LPGAT1: variants seen among roughly 807,000 people sequenced by gnomAD.
The protein encoded by LPGAT1 is lysophosphatidylglycerol acyltransferase 1.
LPGAT1 carries 11 observed loss-of-function variants against 47.5 expected under a neutral mutation model. That is an observed-to-expected ratio of 0.23 (90% confidence interval 0.15 to 0.38). The LOEUF is 0.38. LPGAT1 is among the 10% of genes least tolerant of loss of function. The pLI is 1.00. For synonymous variants in LPGAT1, 138 were observed against 144.2 expected, an observed-to-expected ratio of 0.96 and a Z score of 0.31; for missense variants, 293 against 439.0, an observed-to-expected ratio of 0.67 and a Z score of 2.97.
At chr1:211,778,153 G>A (rs1413129387) in intron 6 of LPGAT1, among the ~76,000 whole-genome samples, 3 of 151,960 alleles carry the variant, frequency 2.0e-5, no homozygotes, top group Non-Finnish European at 4.4e-5. Flanking sequence ...CCATCCTGGC[G>A]AACACAGTGA....
chr1:211,793,249 C>A (rs577029220), intron 2 of LPGAT1, 59 bp from the exon 3 acceptor site: 15 of 1,084,688 alleles, frequency 1.4e-5, no homozygotes, highest in Admixed American at 1.2e-4. Flanking sequence ...TTATCACAAA[C>A]CTTATATTAG....
intron 6 of LPGAT1, among the ~76,000 whole-genome samples, chr1:211,772,212 T>C (rs1658201385): frequency 1.3e-5 from 2 of 152,266 alleles, no homozygotes; most frequent in East Asian, 1.9e-4. Flanking sequence ...TCTCCATTGA[T>C]ACGAAAGGGC....
intron 6 of LPGAT1, among the ~76,000 whole-genome samples, chr1:211,754,673 G>C (rs568761791): frequency 6.3e-4 from 96 of 152,274 alleles, no homozygotes; most frequent in Non-Finnish European, 1.2e-3. Flanking sequence ...CAAAATGAGT[G>C]TTAGTTCCTT....
At chr1:211,764,308 C>T (rs769599017) in intron 6 of LPGAT1, among the ~76,000 whole-genome samples, 3 of 152,172 alleles carry the variant, frequency 2.0e-5, no homozygotes, top group Non-Finnish European at 4.4e-5. Context: ...CTCAGCTTTG[C>T]ACCCAGTGTA....
chr1:211,799,630 C>T (rs1454377199), intron 2 of LPGAT1, among the ~76,000 whole-genome samples: 1 of 152,148 alleles, frequency 6.6e-6, no homozygotes, highest in Non-Finnish European at 1.5e-5. Flanking sequence ...GTGGACAAGC[C>T]AAGTCCCAAA....
chr1:211,798,952 A>C (rs1041152368), intron 2 of LPGAT1, among the ~76,000 whole-genome samples: 1 of 152,160 alleles, frequency 6.6e-6, no homozygotes, highest in Non-Finnish European at 1.5e-5. Flanking sequence ...AGAGGGAGGG[A>C]GGGCAATCAT....
intron 4 of LPGAT1, among the ~76,000 whole-genome samples, chr1:211,784,826 CAG>C (rs1158807514): frequency 7.4e-6 from 1 of 134,844 alleles, no homozygotes; most frequent in African/African-American, 2.8e-5. Flanking sequence ...TTTTTTGAGA[CAG>C]AGTCTCGCTC....
intron 2 of LPGAT1, among the ~76,000 whole-genome samples, chr1:211,815,607 G>A (rs189436666): frequency 7.8e-4 from 118 of 151,998 alleles, no homozygotes; most frequent in African/African-American, 2.5e-3. Flanking sequence ...AAAACTCTTC[G>A]ATGGTTTCCT....
At chr1:211,778,598 G>T (rs920654289) in intron 6 of LPGAT1, among the ~76,000 whole-genome samples, 1 of 151,968 alleles carries the variant, frequency 6.6e-6, no homozygotes, top group Non-Finnish European at 1.5e-5. Flanking sequence ...CCCCTTTTCT[G>T]TAATATCTCT....
intron 1 of LPGAT1, 105 bp from the exon 2 acceptor site, chr1:211,829,428 C>T (rs1660647641): frequency 1.3e-6 from 2 of 1,492,228 alleles, no homozygotes; most frequent in Admixed American, 2.3e-5. Context: ...CAGCGAGGGT[C>T]GAAGCTTTCC....
chr1:211,820,110 T>C (rs1660318360), intron 2 of LPGAT1, among the ~76,000 whole-genome samples: 1 of 152,096 alleles, frequency 6.6e-6, no homozygotes, highest in Non-Finnish European at 1.5e-5. Flanking sequence ...CTAGAAGGTC[T>C]AGACATTTTT....
intron 5 of LPGAT1, among the ~76,000 whole-genome samples, chr1:211,781,944 T>C (rs1475501652): frequency 1.3e-5 from 2 of 152,218 alleles, no homozygotes; most frequent in Non-Finnish European, 2.9e-5. Context: ...TACATACATA[T>C]TATTTTTAAA....
At chr1:211,755,725 TTTGA>T (rs1483407611) in intron 6 of LPGAT1, among the ~76,000 whole-genome samples, 2 of 151,984 alleles carry the variant, frequency 1.3e-5, no homozygotes, top group East Asian at 3.8e-4. Flanking sequence ...CTCACATGCT[TTTGA>T]TTAAAATTTT....
At chr1:211,807,448 C>T (rs1287630672) in intron 2 of LPGAT1, among the ~76,000 whole-genome samples, 4 of 151,356 alleles carry the variant, frequency 2.6e-5, no homozygotes, top group Non-Finnish European at 5.9e-5. Flanking sequence ...CTAGACTAGC[C>T]AAAATAACTT....
intron 2 of LPGAT1, among the ~76,000 whole-genome samples, chr1:211,811,723 C>T (rs1237706162): frequency 6.6e-6 from 1 of 151,950 alleles, no homozygotes; most frequent in African/African-American, 2.4e-5. Context: ...TGCCACCCGC[C>T]ACTGCACTCC....
At chr1:211,753,529 G>C (rs1161548434) in intron 6 of LPGAT1, among the ~76,000 whole-genome samples, 2 of 151,732 alleles carry the variant, frequency 1.3e-5, no homozygotes, top group East Asian at 1.9e-4. Context: ...TTTTTAAAGA[G>C]CTCCTATTGT....
chr1:211,828,415 G>A (rs1180311975), intron 2 of LPGAT1, among the ~76,000 whole-genome samples: 3 of 152,080 alleles, frequency 2.0e-5, no homozygotes, highest in Non-Finnish European at 4.4e-5. Flanking sequence ...TGTTACTCTT[G>A]CTTCCCCAAA....
chr1:211,767,333 A>G (rs972804022), intron 6 of LPGAT1, among the ~76,000 whole-genome samples: 35 of 151,950 alleles, frequency 2.3e-4, no homozygotes, highest in Admixed American at 2.0e-3. Flanking sequence ...ATGAGATTTC[A>G]CTATGTTGGC....
intron 2 of LPGAT1, among the ~76,000 whole-genome samples, chr1:211,794,409 C>T (rs1011667912): frequency 2.0e-5 from 3 of 152,164 alleles, no homozygotes; most frequent in African/African-American, 7.2e-5. Flanking sequence ...CTCAGTGACC[C>T]TCCTACCTCA....
Sources: gnomAD v4.1 joint callset for allele counts (sites outside exome capture counted in the v4.1 genomes callset) on GRCh38, gnomAD v4.1.1 for gene constraint, MANE v1.5 for transcripts, NCBI Gene and HGNC (gene_info 2026-07-23, HGNC 2026-07-21) for gene names.